PKHD1: variants seen among roughly 807,000 people sequenced by gnomAD.
PKHD1 encodes PKHD1 ciliary IPT domain containing fibrocystin/polyductin.
A neutral mutation model predicts 412.0 loss-of-function variants in PKHD1; 291 were observed. The observed-to-expected ratio is 0.71, with a 90% confidence interval of 0.64 to 0.78. PKHD1 has a LOEUF of 0.78. PKHD1 is among the 30% of genes least tolerant of loss of function. PKHD1 has a pLI of 0.00. For missense variants in PKHD1, 4,825 were observed against 4,950.7 expected (o/e 0.97, Z 0.76); for synonymous variants, 1,777 against 1,821.5 (o/e 0.98, Z 0.62).
intron 10 of PKHD1, among the ~76,000 whole-genome samples, chr6:52,069,822 G>A (rs1361978681): frequency 6.6e-6 from 1 of 152,134 alleles, no homozygotes; most frequent in Non-Finnish European, 1.5e-5. Context: ...ATACTCAATA[G>A]ACATTAATTT....
chr6:52,052,603 A>G (rs140643994), intron 21 of PKHD1, among the ~76,000 whole-genome samples: 6 of 152,302 alleles, frequency 3.9e-5, no homozygotes, highest in Non-Finnish European at 7.3e-5. Flanking sequence ...AGCACCTGGT[A>G]TGACATATTA....
chr6:51,742,043 A>T (rs1157572451), intron 60 of PKHD1, among the ~76,000 whole-genome samples: 1 of 152,236 alleles, frequency 6.6e-6, no homozygotes, highest in Non-Finnish European at 1.5e-5. Flanking sequence ...TAAAACCAAT[A>T]GAAAACTTAC....
intron 35 of PKHD1, among the ~76,000 whole-genome samples, chr6:51,975,070 A>T (rs1794196250): frequency 6.6e-6 from 1 of 151,990 alleles, no homozygotes; most frequent in Admixed American, 6.6e-5. Context: ...TAAATAAATA[A>T]AATTTAAAAA....
chr6:52,015,506 T>G (rs1800408049), intron 34 of PKHD1, among the ~76,000 whole-genome samples: 2 of 152,196 alleles, frequency 1.3e-5, no homozygotes, highest in Admixed American at 1.3e-4. Context: ...ATAGGGCACT[T>G]ATTATAATTC....
chr6:51,847,566 TAGAG>T (rs1438324188), intron 50 of PKHD1, among the ~76,000 whole-genome samples: 1 of 152,156 alleles, frequency 6.6e-6, no homozygotes, highest in Non-Finnish European at 1.5e-5. Context: ...GGCTGAGCCT[TAGAG>T]AGGCTCTGTG....
At chr6:51,694,846 A>G (rs1778609062) in intron 60 of PKHD1, among the ~76,000 whole-genome samples, 1 of 152,152 alleles carries the variant, frequency 6.6e-6, no homozygotes, top group African/African-American at 2.4e-5. Context: ...GACCCACAGA[A>G]GACAACACAG....
At chr6:52,062,738 A>G in intron 13 of PKHD1, 78 bp from the exon 14 acceptor site, 1 of 1,572,156 alleles carries the variant, frequency 6.4e-7, no homozygotes. Flanking sequence ...TTAAATTACA[A>G]GGTGAAAGAT....
intron 33 of PKHD1, among the ~76,000 whole-genome samples, chr6:52,021,004 A>C (rs1035037535): frequency 2.0e-5 from 3 of 152,172 alleles, no homozygotes; most frequent in African/African-American, 7.2e-5. Flanking sequence ...TTGGATCTTA[A>C]GTAAGAAACC....
At chr6:51,729,579 A>G (rs1783002992) in intron 60 of PKHD1, among the ~76,000 whole-genome samples, 1 of 152,106 alleles carries the variant, frequency 6.6e-6, no homozygotes, top group Non-Finnish European at 1.5e-5. Context: ...CTCTAGGATA[A>G]TGTCTTAAAA....
At chr6:52,021,154 G>A (rs997135566) in intron 33 of PKHD1, among the ~76,000 whole-genome samples, 1 of 152,180 alleles carries the variant, frequency 6.6e-6, no homozygotes, top group African/African-American at 2.4e-5. Flanking sequence ...CAATCAATGA[G>A]TGTTTGGTGA....
Position 51,942,876 on chromosome 6 carries a change from G to A in PKHD1, c.5909-8554C>T, listed in dbSNP as rs188787600. On this transcript the variant is annotated intron_variant, in intron 36 of 66. Transcript: ENST00000371117. ...TCTACTACTCCTCAGGGATTATTCA[G>A]GCCCCCTCCCCTCCCTACACATCAA... 6.5e-4 allele frequency among the ~76,000 whole-genome samples: 99 copies of A among 151,512 alleles called. 3 individuals are homozygous for A. Among genetic ancestry groups the A allele is most frequent in the Admixed American group, 9.9e-4 (15 of 15,194 alleles).
intron 48 of PKHD1, among the ~76,000 whole-genome samples, chr6:51,859,229 T>TA (rs951576594): frequency 7.2e-5 from 11 of 151,862 alleles, no homozygotes; most frequent in South Asian, 4.2e-4. Context: ...CGTTGATCAT[T>TA]AAAAAAAATT....
In PKHD1 at chr6:51,746,575, T is replaced by C. The variant is rs1256781962; in HGVS notation, c.9998+146A>G. 8 of 637,280 alleles carry C rather than the reference T, an allele frequency of 1.3e-5. No homozygotes were observed. In the African/African-American group the frequency reaches 1.5e-4, roughly 12 times the overall value. 39.5% of individuals were successfully genotyped at this position (637,280 alleles called of 1,614,324 possible). ...CGTGAATATAGGAGGGGTAAAGAAT[T>C]GGTCATTAAGTTAATGTACCTTACC... On this transcript the variant is annotated intron_variant, in intron 59 of 66. Coordinates refer to ENST00000371117, the MANE Select transcript of PKHD1 (RefSeq NM_138694.4).
intron 60 of PKHD1, among the ~76,000 whole-genome samples, chr6:51,736,452 TC>T (rs893440562): frequency 6.6e-6 from 1 of 151,792 alleles, no homozygotes; most frequent in Admixed American, 6.6e-5. Flanking sequence ...AGAAGCCGTA[TC>T]CCCCCCTGCT....
rs558024705 is a variant in PKHD1 at position 51,874,911 on chromosome 6, G to C, written c.7351-4272C>G. Among the ~76,000 whole-genome samples the C allele has an allele frequency of 9.2e-5, 8 of 87,260 alleles. 1 individual carries two copies. Among genetic ancestry groups the C allele is most frequent in the South Asian group, 1.1e-3 (2 of 1,752 alleles). The allele number at this position is 87,260 out of a possible 152,430, so 57.2% of individuals were successfully genotyped here. A position where few individuals can be genotyped will look rare whatever the true frequency, so the allele number is the denominator to read the frequency against. On this transcript the variant is annotated intron_variant, in intron 46 of 66. Coordinates refer to ENST00000371117, the MANE Select transcript of PKHD1 (RefSeq NM_138694.4). Reference sequence around the variant, plus strand: ...GCGCAGGCCAGTGTGTGTGCGCACCGTGCGCGAGCCGAAGCAGGGCGAGGC... The same window carrying C: ...GCGCAGGCCAGTGTGTGTGCGCACCCTGCGCGAGCCGAAGCAGGGCGAGGC...
intron 52 of PKHD1, among the ~76,000 whole-genome samples, chr6:51,796,816 G>GTTTT (rs1304967667): frequency 2.0e-5 from 2 of 98,898 alleles, no homozygotes; most frequent in Non-Finnish European, 2.2e-5. Flanking sequence ...GTTTTGAATA[G>GTTTT]ATTTTTTTTT....
intron 60 of PKHD1, among the ~76,000 whole-genome samples, chr6:51,715,620 C>T (rs1781165830): frequency 6.6e-6 from 1 of 152,168 alleles, no homozygotes; most frequent in Non-Finnish European, 1.5e-5. Flanking sequence ...GAGCACATTT[C>T]TGCTTTGTCT....
chr6:51,704,314 G>A (rs574161712), intron 60 of PKHD1, among the ~76,000 whole-genome samples: 45 of 152,198 alleles, frequency 3.0e-4, no homozygotes, highest in Admixed American at 2.6e-3. Context: ...CCAGAGTCTT[G>A]TGATAGAGGT....
At position 51,870,629 on chromosome 6, in the gene PKHD1, C is replaced by T. The variant is rs747072396; in HGVS notation, c.7361G>A (p.Cys2454Tyr). 3.7e-5 allele frequency: 59 copies of T among 1,609,242 alleles called. No individual in the cohort carries two copies. The Admixed American group carries it at 5.7e-4, about 15-fold the overall frequency. ...LGHFAHKGSL[C>Y]MSSGIKTPKR... The stretch of plus-strand genomic sequence containing the variant: ...AGGAGTTTTAATCCCAGATGACATA[C>T]ACAGACTTCCCTGTGATTTAAAAGA... The change falls in exon 47 of 67, where the codon TGT becomes TAT. Residue 2454 changes from cysteine to tyrosine, a missense_variant. By Grantham distance (194) the Cys-to-Tyr change is radical. Coordinates refer to ENST00000371117, the MANE Select transcript of PKHD1 (RefSeq NM_138694.4).
Sources: allele counts gnomAD v4.1 joint callset (sites outside exome capture counted in the v4.1 genomes callset), GRCh38; gene constraint gnomAD v4.1.1; transcripts MANE v1.5; gene names NCBI Gene and HGNC (gene_info 2026-07-23, HGNC 2026-07-21).